Variants in PCNX2 observed in about 807,000 individuals in gnomAD.
PCNX2 encodes pecanex 2, also known as pecanex-like protein 2.
In PCNX2, 168 loss-of-function variants were observed where a neutral mutation model predicts 223.8. The observed-to-expected ratio is 0.75, with a 90% confidence interval of 0.66 to 0.85. The LOEUF (loss-of-function observed/expected upper bound fraction) is 0.85. Among genes scored for constraint, PCNX2 ranks in the 40% least tolerant of loss-of-function variants. The pLI is 0.00. For missense variants in PCNX2, 2,507 were observed against 2,675.5 expected (o/e 0.94, Z 1.39); for synonymous variants, 1,006 against 1,052.6 (o/e 0.96, Z 0.86).
chr1:233,018,985 AG>A, intron 26 of PCNX2: 3 of 985,358 alleles, frequency 3.0e-6, no homozygotes, highest in Non-Finnish European at 2.4e-6. Context: ...ACCCTTTTCT[AG>A]GGGGGCCCCC....
At chr1:233,208,016 C>A (rs764153336) in intron 13 of PCNX2, among the ~76,000 whole-genome samples, 2 of 151,860 alleles carry the variant, frequency 1.3e-5, no homozygotes, top group Non-Finnish European at 2.9e-5. Context: ...AGAGCAATGG[C>A]GTGATCTTGG....
chr1:233,252,357 G>A lies in PCNX2; in HGVS notation c.2125C>T (p.His709Tyr). Residue 709 changes from histidine to tyrosine, a missense_variant, in exon 7 of 34, where the codon CAT (histidine) becomes TAT (tyrosine). His to Tyr is a moderately conservative substitution (Grantham distance 83, BLOSUM62 2). This residue lies in a region of PCNX2 where 1,031 missense variants were observed against 1,021.7 expected (regional missense o/e 1.01). Transcript: ENST00000258229. ...GTAAAGAGCTCCAAAGACTCACCAT[G>A]TTCATCAATGAAGACATGCATAGCA... is the stretch of plus-strand genomic sequence containing the variant. ...VDAMHVFIDE[H>Y]GEIRSCYLKS... 1 of 1,604,072 alleles carries A rather than the reference G, an allele frequency of 6.2e-7. No individual in the cohort carries two copies. The highest frequency in any genetic ancestry group is 1.7e-5 in the Admixed American group (1 of 59,078).
chr1:233,196,393 G>A (rs1164073481), intron 15 of PCNX2, among the ~76,000 whole-genome samples: 1 of 151,558 alleles, frequency 6.6e-6, no homozygotes, highest in Non-Finnish European at 1.5e-5. Flanking sequence ...AAAAACTTCT[G>A]CTTTTCAAAA....
At chr1:233,051,965 C>G (rs1244895464) in intron 25 of PCNX2, among the ~76,000 whole-genome samples, 1 of 152,180 alleles carries the variant, frequency 6.6e-6, no homozygotes, top group African/African-American at 2.4e-5. Context: ...TATTATTGCA[C>G]TGAAGACACT....
the PCNX2 span, among the ~76,000 whole-genome samples, chr1:233,319,097 C>T: frequency 2.0e-5 from 3 of 152,138 alleles, no homozygotes; most frequent in East Asian, 3.9e-4. Context: ...AAAGCCTGTC[C>T]CTCTCTCGGG....
At chr1:233,161,960 T>TATATATA (rs1553303707) in intron 17 of PCNX2, among the ~76,000 whole-genome samples, 9 of 147,546 alleles carry the variant, frequency 6.1e-5, no homozygotes, top group African/African-American at 2.0e-4. Flanking sequence ...AAATTATTTT[T>TATATATA]TATATATATA....
chr1:233,273,009 A>C (rs977853789), intron 1 of PCNX2, among the ~76,000 whole-genome samples: 4 of 151,442 alleles, frequency 2.6e-5, no homozygotes, highest in African/African-American at 9.7e-5. Flanking sequence ...GAGTGGGAGG[A>C]GGGTGAGGGA....
At chr1:233,095,993 G>T (rs1039871276) in intron 21 of PCNX2, 130 bp from the exon 22 acceptor site, 26 of 639,536 alleles carry the variant, frequency 4.1e-5, no homozygotes, top group Non-Finnish European at 7.2e-5. Flanking sequence ...CTCTTACTGT[G>T]ATCTTCCTGC....
rs139786745 is a variant in PCNX2 at position 233,012,493 on chromosome 1, G to A, written c.4952+2172C>T. Among the ~76,000 whole-genome samples, 21 of 152,186 alleles carry A rather than the reference G, an allele frequency of 1.4e-4. No homozygotes were observed. The East Asian group carries it at 3.3e-3, about 24-fold the overall frequency. On this transcript the variant is annotated intron_variant, in intron 28 of 33. Transcript: ENST00000258229. The stretch of plus-strand genomic sequence containing the variant: ...ATCTTTCTATGTGGTGGAACCTCTC[G>A]GTGAAGTGAACCAGTCCCAAATAGT...
intron 21 of PCNX2, among the ~76,000 whole-genome samples, chr1:233,119,593 AAAAAC>A (rs1675645386): frequency 9.1e-6 from 1 of 109,460 alleles, no homozygotes; most frequent in Non-Finnish European, 2.2e-5. Context: ...TCAAAAAAAA[AAAAAC>A]AAAAACAAAA....
chr1:233,112,598 C>A (rs943181936), intron 21 of PCNX2, among the ~76,000 whole-genome samples: 3 of 152,206 alleles, frequency 2.0e-5, no homozygotes, highest in African/African-American at 7.2e-5. Context: ...CAACATTTAA[C>A]CAGTGAGAAT....
At chr1:233,279,994 C>T (rs1466278593) in intron 1 of PCNX2, among the ~76,000 whole-genome samples, 1 of 152,132 alleles carries the variant, frequency 6.6e-6, no homozygotes, top group Non-Finnish European at 1.5e-5. Flanking sequence ...CTTTTTGAAA[C>T]AGAATTAATT....
chr1:233,082,260 CAAG>C (rs1673397141), intron 23 of PCNX2, among the ~76,000 whole-genome samples: 1 of 152,104 alleles, frequency 6.6e-6, no homozygotes, highest in Non-Finnish European at 1.5e-5. Context: ...TCAATAAATA[CAAG>C]AAGATGAGGA....
chr1:233,021,023 T>C (rs1400447216), intron 26 of PCNX2, among the ~76,000 whole-genome samples: 3 of 151,776 alleles, frequency 2.0e-5, no homozygotes, highest in Non-Finnish European at 2.9e-5. Flanking sequence ...CTAGCAACCA[T>C]GCCAAAGAAG....
chr1:232,998,330 G>A lies in PCNX2; in HGVS notation c.5712C>T (p.Ser1904=), dbSNP rs764381002. 3.7e-6 allele frequency: 6 copies of A among 1,613,006 alleles called. No homozygotes were observed. Among genetic ancestry groups the A allele is most frequent in the Non-Finnish European group, 4.2e-6 (5 of 1,179,520 alleles). Reference sequence around the variant, plus strand: ...TGGGCTGTTCTGCGCTGCTCTCCTGGCTGCCACCACTCGGGGCATTGTTGC... The same window carrying A: ...TGGGCTGTTCTGCGCTGCTCTCCTGACTGCCACCACTCGGGGCATTGTTGC... The part of the protein sequence containing the change: ...TGGNNAPSGG[S]QESSAEQPRK... The change falls in exon 32 of 34, where the codon AGC becomes AGT. Residue 1904 remains serine (S), a synonymous_variant. Coordinates refer to ENST00000258229, the MANE Select transcript of PCNX2 (RefSeq NM_014801.4).
At chr1:233,165,740 T>C (rs567406982) in intron 17 of PCNX2, among the ~76,000 whole-genome samples, 3 of 152,292 alleles carry the variant, frequency 2.0e-5, no homozygotes, top group African/African-American at 4.8e-5. Context: ...TGGGGAGATA[T>C]ACTGCATTCC....
chr1:232,992,077 CAA>C (rs1275689972), intron 32 of PCNX2, among the ~76,000 whole-genome samples: 2 of 152,192 alleles, frequency 1.3e-5, no homozygotes, highest in Admixed American at 6.5e-5. Context: ...GAGATGATAG[CAA>C]GAGAGAGGTT....
At chr1:233,106,442 T>C (rs895097817) in intron 21 of PCNX2, among the ~76,000 whole-genome samples, 4 of 145,652 alleles carry the variant, frequency 2.7e-5, no homozygotes, top group African/African-American at 1.0e-4. Context: ...AACCTCTGCC[T>C]CCCACGTTCA....
At chr1:233,325,943 G>A in the PCNX2 span, among the ~76,000 whole-genome samples, 1 of 152,146 alleles carries the variant, frequency 6.6e-6, no homozygotes, top group Admixed American at 6.5e-5. Flanking sequence ...CAATCCATGT[G>A]ACAAACTTCA....
Sources: allele counts gnomAD v4.1 joint callset (sites outside exome capture counted in the v4.1 genomes callset), GRCh38; gene constraint gnomAD v4.1.1; regional missense constraint gnomAD v4.1.1; transcripts MANE v1.5; gene names NCBI Gene and HGNC (gene_info 2026-07-23, HGNC 2026-07-21).